TBC1D8B: variants seen among roughly 807,000 people sequenced by gnomAD.
TBC1D8B encodes TBC1 domain family member 8B, also known as RP11-321G1.1.
TBC1D8B carries 75 observed loss-of-function variants against 82.9 expected under a neutral mutation model. The observed-to-expected ratio is 0.90, with a 90% confidence interval of 0.75 to 1.10. The LOEUF (loss-of-function observed/expected upper bound fraction) is 1.10. TBC1D8B is among the 50% of genes least tolerant of loss of function. The probability of loss-of-function intolerance (pLI) is 0.00; values close to 1 mark genes in which losing one functional copy is unlikely to be tolerated. For synonymous variants in TBC1D8B, 276 were observed against 276.8 expected (o/e 1.00, Z 0.03); for missense variants, 794 against 796.9 (o/e 1.00, Z 0.04).
chrX:106,867,579 G>A (rs1932822640), intron 17 of TBC1D8B, among the ~76,000 whole-genome samples: 1 of 110,779 alleles, frequency 9.0e-6, no homozygotes, highest in African/African-American at 3.4e-5. Context: ...ACCTGAAGAG[G>A]ATGCCTTGCC....
At chrX:106,827,022 G>T in intron 6 of TBC1D8B, 148 bp from the exon 7 acceptor site, 1 of 554,978 alleles carries the variant, frequency 1.8e-6, no homozygotes, top group Non-Finnish European at 3.0e-6. Flanking sequence ...TGTATGATTG[G>T]TGCAACTAGT....
At chrX:106,867,519 G>A (rs1052320594) in intron 17 of TBC1D8B, among the ~76,000 whole-genome samples, 1 of 111,349 alleles carries the variant, frequency 9.0e-6, no homozygotes, top group African/African-American at 3.3e-5. Flanking sequence ...ATATTCTTCC[G>A]TACTACCTCA....
In TBC1D8B at chrX:106,825,134, C is replaced by T. The variant is rs993554208; in HGVS notation, c.828-896C>T. On this transcript the variant is annotated intron_variant, in intron 5 of 20. Transcript: ENST00000357242. Reference sequence around the variant, plus strand: ...AATTGCAATTTATTTGTTTTATTAGCTTTCCCAGTTTGAAAAAAATACCAT... The same window carrying T: ...AATTGCAATTTATTTGTTTTATTAGTTTTCCCAGTTTGAAAAAAATACCAT... Among the ~76,000 whole-genome samples, 49 of 111,065 alleles carry T rather than the reference C, an allele frequency of 4.4e-4. 1 individual carries two copies. Among genetic ancestry groups the T allele is most frequent in the Non-Finnish European group, 1.5e-4 (8 of 52,819 alleles).
rs1312997314 is a variant in TBC1D8B at position 106,818,643 on chromosome X, C to T, written c.131-20C>T. ...ATCTCTTGTAAAGTCCTTATTTCAA[C>T]AATCTTTCTATTACAACAGGGCTTC... On this transcript the variant is annotated intron_variant, in intron 1 of 20. Coordinates refer to ENST00000357242, the MANE Select transcript of TBC1D8B (RefSeq NM_017752.3). The T allele has an allele frequency of 1.8e-6, 2 of 1,122,598 alleles. No homozygotes were observed. Among genetic ancestry groups the T allele is most frequent in the South Asian group, 2.0e-5 (1 of 49,514 alleles). The allele number at this position is 1,122,598 out of a possible 1,213,427, so 92.5% of individuals were successfully genotyped here. A position where few individuals can be genotyped will look rare whatever the true frequency, so the allele number is the denominator to read the frequency against.
At chrX:106,862,775 TG>T (rs1265580372) in intron 14 of TBC1D8B, among the ~76,000 whole-genome samples, 45 of 94,014 alleles carry the variant, frequency 4.8e-4, no homozygotes, top group Non-Finnish European at 6.6e-4. Flanking sequence ...GGTTTTTTTT[TG>T]TTTTTTTTTT....
chrX:106,859,058 G>A (rs904617005), intron 14 of TBC1D8B, among the ~76,000 whole-genome samples: 14 of 111,674 alleles, frequency 1.3e-4, no homozygotes, highest in Admixed American at 2.9e-4. Flanking sequence ...ATTCTGTTCC[G>A]TTAGACTATG....
chrX:106,804,882 C>T (rs1292486466), intron 1 of TBC1D8B, among the ~76,000 whole-genome samples: 2 of 109,546 alleles, frequency 1.8e-5, no homozygotes, highest in Non-Finnish European at 3.8e-5. Flanking sequence ...GAGGGAGACT[C>T]TGTCTCAAAA....
intron 1 of TBC1D8B, among the ~76,000 whole-genome samples, chrX:106,804,099 G>A (rs988358650): frequency 9.0e-6 from 1 of 111,708 alleles, no homozygotes; most frequent in Non-Finnish European, 1.9e-5. Context: ...GGATAAGAAG[G>A]GTGGGAAGGT....
chrX:106,849,087 T>C (rs1007368786), intron 11 of TBC1D8B, among the ~76,000 whole-genome samples: 1 of 109,662 alleles, frequency 9.1e-6, no homozygotes, highest in Non-Finnish European at 1.9e-5. Context: ...AATATTTTCT[T>C]TAATCATCAA....
At chrX:106,852,801 C>A (rs765575259) in intron 12 of TBC1D8B, among the ~76,000 whole-genome samples, 7 of 111,442 alleles carry the variant, frequency 6.3e-5, no homozygotes, top group Non-Finnish European at 1.3e-4. Context: ...CAGTACCATG[C>A]TGTTTTTGTT....
rs755786560 is a variant in TBC1D8B at position 106,874,813 on chromosome X, G to A, written c.*848G>A. On this transcript the variant is annotated 3_prime_UTR_variant, in exon 21 of 21. Coordinates refer to ENST00000357242, the MANE Select transcript of TBC1D8B (RefSeq NM_017752.3). ...TGCTGTTTGTGGTATTTGTCTCAGAGTAGCTTATGACTGTTTTGGTTCTAG... is the reference window on the plus strand; with the variant it reads ...TGCTGTTTGTGGTATTTGTCTCAGAATAGCTTATGACTGTTTTGGTTCTAG... 9 of 111,915 alleles carry A rather than the reference G, an allele frequency of 8.0e-5. No individual in the cohort carries two copies. The highest frequency in any genetic ancestry group is 2.3e-4 in the African/African-American group (7 of 30,856). 9.2% of individuals were successfully genotyped at this position (111,915 alleles called of 1,213,427 possible).
At chrX:106,848,151 A>T (rs1169466610) in intron 10 of TBC1D8B, 35 bp from the exon 11 acceptor site, 1 of 991,745 alleles carries the variant, frequency 1.0e-6, no homozygotes, top group Non-Finnish European at 1.4e-6. Flanking sequence ...CTTGAGCAAT[A>T]TTTGCTTTTT....
At chrX:106,816,539 C>T (rs1365298801) in intron 1 of TBC1D8B, among the ~76,000 whole-genome samples, 2 of 110,818 alleles carry the variant, frequency 1.8e-5, no homozygotes, top group Non-Finnish European at 3.8e-5. Flanking sequence ...TTCCCTCATC[C>T]TCATTCCCAT....
At chrX:106,827,021 G>A (rs1931868249) in intron 6 of TBC1D8B, 149 bp from the exon 7 acceptor site, 1 of 539,641 alleles carries the variant, frequency 1.9e-6, no homozygotes. Flanking sequence ...TTGTATGATT[G>A]GTGCAACTAG....
chrX:106,839,499 G>T, intron 8 of TBC1D8B, 42 bp downstream of exon 8: 2 of 1,080,586 alleles, frequency 1.9e-6, no homozygotes, highest in Non-Finnish European at 2.4e-6. Flanking sequence ...TGAAACATTT[G>T]GTGAAAAGTA....
At position 106,840,736 on chromosome X, in the gene TBC1D8B, C is replaced by T. The variant is rs752310911; in HGVS notation, c.1571C>T (p.Thr524Ile). The change falls in exon 10 of 21, where the codon ACC becomes ATC. Residue 524 changes from threonine (T) to isoleucine (I), a missense_variant. Coordinates refer to ENST00000357242, the MANE Select transcript of TBC1D8B (RefSeq NM_017752.3). ...GAAGTGGTTGAGCAGTCCTTAGGGA[C>T]CTGCAACTTGGCTACTGAAGAAATT... Reference protein sequence around the residue: ...YTEVVEQSLGTCNLATEEIER... With the variant: ...YTEVVEQSLGICNLATEEIER... The T allele has an allele frequency of 4.1e-6, 5 of 1,211,261 alleles. No individual in the cohort carries two copies. The South Asian group carries it at 5.3e-5, about 13-fold the overall frequency.
chrX:106,829,715 T>A (rs1484007163), intron 7 of TBC1D8B: 3 of 110,202 alleles, frequency 2.7e-5, no homozygotes, highest in African/African-American at 1.0e-4. Context: ...ATTTAATAAA[T>A]GGTGCTGGGA....
chrX:106,867,639 G>C (rs2094164526), intron 17 of TBC1D8B, among the ~76,000 whole-genome samples: 1 of 111,703 alleles, frequency 9.0e-6, no homozygotes, highest in Admixed American at 9.5e-5. Flanking sequence ...TAAACTGAAG[G>C]AGCATTGCAA....
rs1236109997 is a variant in TBC1D8B, at chrX:106,827,150, C to T, written c.1036-20C>T. On this transcript the variant is annotated intron_variant, in intron 6 of 20. Transcript: ENST00000357242. ...CAATAAAGGAAAATTTAATTGACCT[C>T]TATGTTTTTCACCCCCTAGGTCTTA... 8.3e-7 allele frequency: 1 copy of T among 1,197,932 alleles called. No homozygotes were observed. Among genetic ancestry groups the T allele is most frequent in the East Asian group, 3.0e-5 (1 of 33,555 alleles).
Sources: allele counts gnomAD v4.1 joint callset (sites outside exome capture counted in the v4.1 genomes callset), GRCh38; gene constraint gnomAD v4.1.1; transcripts MANE v1.5; gene names NCBI Gene and HGNC (gene_info 2026-07-23, HGNC 2026-07-21).